Variants in ADCK1 observed in about 807,000 individuals in gnomAD.
ADCK1 encodes the protein aarF domain containing kinase 1, also known as aarF domain-containing protein kinase 1.
In ADCK1, 41 loss-of-function variants were observed where a neutral mutation model predicts 52.3. That is an observed-to-expected ratio of 0.78 (90% confidence interval 0.61 to 1.02). ADCK1 has a LOEUF of 1.02. Among genes scored for constraint, ADCK1 ranks in the 50% least tolerant of loss-of-function variants. The pLI, the probability that ADCK1 is intolerant of heterozygous loss-of-function variation, is 0.00. For missense variants in ADCK1, 658 were observed against 679.5 expected, an observed-to-expected ratio of 0.97 and a Z score of 0.35; for synonymous variants, 250 against 274.6, an observed-to-expected ratio of 0.91 and a Z score of 0.89.
At chr14:77,883,051 A>T (rs185642438) in intron 4 of ADCK1, among the ~76,000 whole-genome samples, 1 of 150,914 alleles carries the variant, frequency 6.6e-6, no homozygotes, top group East Asian at 2.0e-4. Flanking sequence ...ACCAAATGAT[A>T]AAAAGCCAGA....
At chr14:77,916,038 A>G (rs1445742980) in intron 7 of ADCK1, among the ~76,000 whole-genome samples, 2 of 152,174 alleles carry the variant, frequency 1.3e-5, no homozygotes, top group Non-Finnish European at 2.9e-5. Flanking sequence ...TGCTCGTAGT[A>G]CATTATGTGC....
chr14:77,925,882 T>C lies in ADCK1; in HGVS notation c.1127T>C (p.Leu376Ser). The C allele has an allele frequency of 6.2e-7, 1 of 1,614,196 alleles. No individual in the cohort carries two copies. Among genetic ancestry groups the C allele is most frequent in the South Asian group, 1.1e-5 (1 of 91,086 alleles). ...CTGGGAGCCGGGGATCTCTACCCCTTGTTTGCCTGCATGCTGACGGCGCGA... is the reference window on the plus strand; with the variant it reads ...CTGGGAGCCGGGGATCTCTACCCCTCGTTTGCCTGCATGCTGACGGCGCGA... The part of the protein sequence containing the change: ...QRLGAGDLYP[L>S]FACMLTARSW... Residue 376 changes from leucine (L) to serine (S), a missense_variant, in exon 9 of 11, where the codon TTG becomes TCG. Transcript: ENST00000238561.
intron 3 of ADCK1, among the ~76,000 whole-genome samples, chr14:77,857,780 G>A (rs1161067843): frequency 1.3e-5 from 2 of 152,142 alleles, no homozygotes; most frequent in Middle Eastern, 3.2e-3. Flanking sequence ...TTACATCAGC[G>A]TCCTACGTGG....
intron 10 of ADCK1, 71 bp from the exon 11 acceptor site, chr14:77,933,149 T>G: frequency 6.6e-7 from 1 of 1,516,452 alleles, no homozygotes; most frequent in Non-Finnish European, 8.9e-7. Flanking sequence ...CTTTAGTTTT[T>G]CTAAATGATA....
chr14:77,868,912 A>C (rs1237371679), intron 4 of ADCK1, among the ~76,000 whole-genome samples: 6 of 152,168 alleles, frequency 3.9e-5, no homozygotes, highest in African/African-American at 7.2e-5. Context: ...AGAGGGAGTA[A>C]TTAGAGAACA....
intron 9 of ADCK1, among the ~76,000 whole-genome samples, chr14:77,928,639 T>A (rs1299634516): frequency 1.3e-5 from 2 of 152,078 alleles, no homozygotes; most frequent in Admixed American, 6.5e-5. Flanking sequence ...TTTTTGTATA[T>A]TTAGTAGAGA....
chr14:77,822,666 C>T, intron 3 of ADCK1, 148 bp downstream of exon 3: 1 of 691,894 alleles, frequency 1.4e-6, no homozygotes, highest in Non-Finnish European at 2.5e-6. Context: ...TGGATAAATC[C>T]TGAAGCAGCT....
chr14:77,831,627 C>T (rs1467946424), intron 3 of ADCK1, among the ~76,000 whole-genome samples: 1 of 152,076 alleles, frequency 6.6e-6, no homozygotes, highest in Admixed American at 6.6e-5. Context: ...CTTTGTTGTC[C>T]AGGCTGAAGT....
intron 4 of ADCK1, among the ~76,000 whole-genome samples, chr14:77,871,381 A>C (rs2082773870): frequency 6.6e-6 from 1 of 151,796 alleles, no homozygotes; most frequent in Non-Finnish European, 1.5e-5. Context: ...TTTTTGAGAC[A>C]GAGTCTCACT....
At chr14:77,821,765 C>A (rs1326262590) in intron 2 of ADCK1, among the ~76,000 whole-genome samples, 1 of 151,014 alleles carries the variant, frequency 6.6e-6, no homozygotes, top group African/African-American at 2.4e-5. Flanking sequence ...TGTATAATCC[C>A]AGCTACTTGG....
intron 1 of ADCK1, among the ~76,000 whole-genome samples, chr14:77,810,051 A>C (rs1434778149): frequency 6.6e-6 from 1 of 150,624 alleles, no homozygotes; most frequent in Non-Finnish European, 1.5e-5. Flanking sequence ...AAAAAAAAAA[A>C]AAAAAAATTA....
chr14:77,822,355 A>G, intron 2 of ADCK1, 80 bp from the exon 3 acceptor site: 1 of 1,123,446 alleles, frequency 8.9e-7, no homozygotes, highest in East Asian at 2.3e-5. Flanking sequence ...TGTGTCAGGG[A>G]CCTGTACTGC....
intron 8 of ADCK1, 82 bp from the exon 9 acceptor site, chr14:77,925,682 G>T: frequency 5.7e-6 from 8 of 1,398,628 alleles, no homozygotes; most frequent in East Asian, 2.4e-5. Context: ...GTCGTCTTTT[G>T]CAATGGTTGG....
chr14:77,836,539 A>G (rs923222041), intron 3 of ADCK1, among the ~76,000 whole-genome samples: 1 of 152,198 alleles, frequency 6.6e-6, no homozygotes, highest in African/African-American at 2.4e-5. Context: ...TGTGATTGCC[A>G]TAACAAATTA....
chr14:77,924,460 T>C lies in ADCK1; in HGVS notation c.862T>C (p.Ser288Pro), dbSNP rs1566739206. 1.2e-6 allele frequency: 2 copies of C among 1,613,962 alleles called. No individual in the cohort carries two copies. Among genetic ancestry groups the C allele is most frequent in the Non-Finnish European group, 1.7e-6 (2 of 1,180,010 alleles). Residue 288 changes from serine (S) to proline (P), a missense_variant, in exon 8 of 11, where the codon TCA becomes CCA. Ser to Pro is a moderately conservative substitution (Grantham distance 74, BLOSUM62 -1). Coordinates refer to ENST00000238561, the MANE Select transcript of ADCK1 (RefSeq NM_020421.4). ...ERNKIDVNEISRHLGKMYSEM... is the reference protein window; with the variant it reads ...ERNKIDVNEIPRHLGKMYSEM... ...ACCTGCCCCTCTTCTCTTTCAGATCTCACGCCACCTGGGCAAGATGTATAG... is the reference window on the plus strand; with the variant it reads ...ACCTGCCCCTCTTCTCTTTCAGATCCCACGCCACCTGGGCAAGATGTATAG...
At chr14:77,932,782 C>G (rs1358430583) in intron 10 of ADCK1, among the ~76,000 whole-genome samples, 1 of 152,168 alleles carries the variant, frequency 6.6e-6, no homozygotes, top group African/African-American at 2.4e-5. Context: ...AGGGATTGAG[C>G]TGGGCTGAAT....
chr14:77,897,009 C>T (rs1218510994), intron 5 of ADCK1, among the ~76,000 whole-genome samples: 1 of 152,162 alleles, frequency 6.6e-6, no homozygotes, highest in African/African-American at 2.4e-5. Context: ...TTTGCCAACA[C>T]AGCATTGGGC....
At chr14:77,838,221 A>G (rs2081999216) in intron 3 of ADCK1, among the ~76,000 whole-genome samples, 1 of 152,196 alleles carries the variant, frequency 6.6e-6, no homozygotes, top group African/African-American at 2.4e-5. Context: ...TTTTCCCTGT[A>G]GAACCGTGAG....
chr14:77,820,820 G>A (rs1448953305), intron 2 of ADCK1, among the ~76,000 whole-genome samples: 1 of 151,962 alleles, frequency 6.6e-6, no homozygotes, highest in Non-Finnish European at 1.5e-5. Flanking sequence ...GTGCAGTGGT[G>A]TGATCTCATC....
Sources: gnomAD v4.1 joint callset for allele counts (sites outside exome capture counted in the v4.1 genomes callset) on GRCh38, gnomAD v4.1.1 for gene constraint, MANE v1.5 for transcripts, NCBI Gene and HGNC (gene_info 2026-07-23, HGNC 2026-07-21) for gene names.